PRKN: variants seen among roughly 807,000 people sequenced by gnomAD.
The protein encoded by PRKN is parkin RBR E3 ubiquitin protein ligase, also known as E3 ubiquitin-protein ligase parkin.
A neutral mutation model predicts 59.5 loss-of-function variants in PRKN; 56 were observed. The ratio of observed to expected loss-of-function variants is 0.94; its 90% CI spans 0.76 to 1.18. The LOEUF is 1.18. Ranked by LOEUF, PRKN falls within the 50% of genes most tolerant of loss-of-function variation. The probability of loss-of-function intolerance (pLI) is 0.00; values close to 1 mark genes in which losing one functional copy is unlikely to be tolerated. For synonymous variants in PRKN, 250 were observed against 222.1 expected (o/e 1.13, Z -1.12); for missense variants, 657 against 596.4 (o/e 1.10, Z -1.06).
intron 7 of PRKN, among the ~76,000 whole-genome samples, chr6:161,616,867 CAT>C (rs79501642): frequency 0.23 from 34,365 of 151,996 alleles, 4,211 homozygotes; most frequent in East Asian, 0.5. Flanking sequence ...CTGTAGTAAA[CAT>C]ATGTGTGCAT....
At chr6:162,544,294 C>T (rs1359082426) in intron 1 of PRKN, among the ~76,000 whole-genome samples, 1 of 152,082 alleles carries the variant, frequency 6.6e-6, no homozygotes, top group African/African-American at 2.4e-5. Flanking sequence ...TAGTCTTTAG[C>T]ACTCCCACAC....
At chr6:161,481,179 A>AT (rs1791377819) in intron 9 of PRKN, among the ~76,000 whole-genome samples, 2 of 152,210 alleles carry the variant, frequency 1.3e-5, no homozygotes, top group Admixed American at 6.5e-5. Flanking sequence ...CCGTATCAAG[A>AT]TTTTTTTAGA....
At chr6:161,424,318 C>G (rs1034742906) in intron 9 of PRKN, among the ~76,000 whole-genome samples, 2 of 120,986 alleles carry the variant, frequency 1.7e-5, no homozygotes, top group African/African-American at 3.3e-5. Flanking sequence ...GTCTGGGAGA[C>G]AGAGGGAGAT....
chr6:162,240,946 T>C (rs1341843703), intron 3 of PRKN, among the ~76,000 whole-genome samples: 1 of 152,194 alleles, frequency 6.6e-6, no homozygotes, highest in East Asian at 1.9e-4. Flanking sequence ...AGAATCACTG[T>C]GGTGAAGACT....
chr6:162,700,346 A>C (rs2128236635), intron 1 of PRKN, among the ~76,000 whole-genome samples: 1 of 152,336 alleles, frequency 6.6e-6, no homozygotes, highest in African/African-American at 2.4e-5. Context: ...AAGAAAAGAG[A>C]TGAGGAGCTA....
intron 10 of PRKN, among the ~76,000 whole-genome samples, chr6:161,368,468 T>A (rs924536147): frequency 2.1e-5 from 3 of 146,168 alleles, no homozygotes; most frequent in African/African-American, 7.6e-5. Flanking sequence ...GGCATGAGAA[T>A]CACTTGAATC....
At chr6:162,625,224 G>A (rs978022115) in intron 1 of PRKN, among the ~76,000 whole-genome samples, 1 of 152,190 alleles carries the variant, frequency 6.6e-6, no homozygotes, top group Non-Finnish European at 1.5e-5. Flanking sequence ...ACTGAGCGAG[G>A]AATAAATCAG....
Position 161,754,838 on chromosome 6 carries a change from G to T in PRKN, c.871+30934C>A, listed in dbSNP as rs80294886. ...GCAACTGTCGTGGTGCCAGATGATGGCATTTAGCCTCTTTAGTGTGTTACA... is the reference window on the plus strand; with the variant it reads ...GCAACTGTCGTGGTGCCAGATGATGTCATTTAGCCTCTTTAGTGTGTTACA... On this transcript the variant is annotated intron_variant, in intron 7 of 11. Transcript: ENST00000366898. Among the ~76,000 whole-genome samples the T allele has an allele frequency of 6.5e-3, 986 of 152,246 alleles. 11 individuals are homozygous for T. Among genetic ancestry groups the T allele is most frequent in the African/African-American group, 0.023 (947 of 41,528 alleles).
chr6:161,884,918 GA>G (rs2128230425), intron 6 of PRKN, among the ~76,000 whole-genome samples: 1 of 150,296 alleles, frequency 6.7e-6, no homozygotes, highest in South Asian at 2.1e-4. Flanking sequence ...TTGCAGCAAA[GA>G]ATAGCACTAG....
intron 1 of PRKN, among the ~76,000 whole-genome samples, chr6:162,637,378 C>T (rs2128223731): frequency 6.6e-6 from 1 of 150,700 alleles, no homozygotes; most frequent in East Asian, 2.0e-4. Flanking sequence ...CTGGTGCATA[C>T]ACACAACTCC....
intron 5 of PRKN, among the ~76,000 whole-genome samples, chr6:161,976,011 T>G (rs1781018010): frequency 1.3e-5 from 2 of 152,130 alleles, no homozygotes; most frequent in Admixed American, 6.5e-5. Context: ...GTTCAAGTGA[T>G]TCTCCCTCCT....
intron 6 of PRKN, among the ~76,000 whole-genome samples, chr6:161,924,397 C>A (rs1301460712): frequency 1.3e-5 from 2 of 152,132 alleles, no homozygotes; most frequent in Non-Finnish European, 2.9e-5. Context: ...TTTGTTTCCT[C>A]CTAGTTTGCG....
Position 162,727,735 on chromosome 6 carries a change from C to T in PRKN, c.-67G>A. The T allele has an allele frequency of 6.6e-7, 1 of 1,505,430 alleles. No homozygotes were observed. Among genetic ancestry groups the T allele is most frequent in the Non-Finnish European group, 9.0e-7 (1 of 1,106,836 alleles). 93.3% of individuals were successfully genotyped at this position (1,505,430 alleles called of 1,614,324 possible). ...ATGCGCGCAGCGGCGCCAGCCGCGC[C>T]TCCCACCAGCGGCTCTCCTGGGTTA... On this transcript the variant is annotated 5_prime_UTR_variant, in exon 1 of 12. Transcript: ENST00000366898.
intron 4 of PRKN, among the ~76,000 whole-genome samples, chr6:162,075,674 C>A (rs1286297417): frequency 1.3e-5 from 2 of 151,872 alleles, no homozygotes; most frequent in Non-Finnish European, 2.9e-5. Flanking sequence ...GTGAGAAAGG[C>A]ATGTATCACT....
At chr6:161,956,946 G>T (rs1186110027) in intron 6 of PRKN, among the ~76,000 whole-genome samples, 2 of 152,126 alleles carry the variant, frequency 1.3e-5, no homozygotes, top group African/African-American at 4.8e-5. Flanking sequence ...GGCATTCCTG[G>T]TCATTTTCTT....
rs1781366956 is a variant in PRKN at position 161,582,331 on chromosome 6, A to C, written c.872-12915T>G. 6.6e-6 allele frequency among the ~76,000 whole-genome samples: 1 copy of C among 152,176 alleles called. No individual in the cohort carries two copies. The highest frequency in any genetic ancestry group is 2.4e-5 in the African/African-American group (1 of 41,438). On this transcript the variant is annotated intron_variant, in intron 7 of 11. Coordinates refer to ENST00000366898, the MANE Select transcript of PRKN (RefSeq NM_004562.3). This position sits in a 1 kb window ranked among gnomAD's most constrained non-coding sequence, Gnocchi z 4.4. ...AAACAATTTAGAGTCTCTAAAGTTG[A>C]AAGTTCTTCTTTGAAGATCTATACA...
At chr6:161,633,924 T>A (rs879300369) in intron 7 of PRKN, among the ~76,000 whole-genome samples, 1 of 151,840 alleles carries the variant, frequency 6.6e-6, no homozygotes, top group Non-Finnish European at 1.5e-5. Context: ...GATTATGGGC[T>A]AAAGCTGGGT....
chr6:162,514,408 T>C (rs1356561194), intron 1 of PRKN, among the ~76,000 whole-genome samples: 1 of 152,166 alleles, frequency 6.6e-6, no homozygotes, highest in Non-Finnish European at 1.5e-5. Flanking sequence ...TCGCCCTGTA[T>C]GATAAATGAC....
At chr6:162,232,732 G>A (rs986878884) in intron 3 of PRKN, among the ~76,000 whole-genome samples, 10 of 152,108 alleles carry the variant, frequency 6.6e-5, no homozygotes, top group Admixed American at 3.9e-4. Context: ...CAGTGATCAG[G>A]GGCTGCCTTA....
Sources: gnomAD v4.1 joint callset for allele counts (sites outside exome capture counted in the v4.1 genomes callset) on GRCh38, gnomAD v4.1.1 for gene constraint, Gnocchi (gnomAD v3.1) non-coding constraint, MANE v1.5 for transcripts, NCBI Gene and HGNC (gene_info 2026-07-23, HGNC 2026-07-21) for gene names.